CADM2: variants seen among roughly 807,000 people sequenced by gnomAD.
CADM2 encodes the protein cell adhesion molecule 2.
In CADM2, 12 loss-of-function variants were observed where a neutral mutation model predicts 49.8. The ratio of observed to expected loss-of-function variants is 0.24; its 90% confidence interval spans 0.15 to 0.39. The LOEUF (loss-of-function observed/expected upper bound fraction) is 0.39, where lower values mean the gene tolerates loss of function less well. Ranked by LOEUF, CADM2 falls within the 10% of genes least tolerant of loss-of-function variation. The pLI is 1.00. For synonymous variants in CADM2, 214 were observed against 175.4 expected, an observed-to-expected ratio of 1.22 and a Z score of -1.74; for missense variants, 378 against 492.3, an observed-to-expected ratio of 0.77 and a Z score of 2.20.
At chr3:85,958,953 A>C (rs564549479) in intron 7 of CADM2, among the ~76,000 whole-genome samples, 1 of 151,632 alleles carries the variant, frequency 6.6e-6, no homozygotes, top group African/African-American at 2.4e-5. Context: ...ATGCAGGAAA[A>C]CACCATGGTA....
intron 1 of CADM2, among the ~76,000 whole-genome samples, chr3:85,272,267 T>C (rs1001544104): frequency 5.3e-5 from 8 of 151,148 alleles, no homozygotes; most frequent in Non-Finnish European, 3.0e-5. Context: ...ATGTTTAAAG[T>C]GGAGTAAAAA....
At chr3:84,979,991 A>C (rs1190631459) in intron 1 of CADM2, among the ~76,000 whole-genome samples, 3 of 152,214 alleles carry the variant, frequency 2.0e-5, no homozygotes, top group African/African-American at 4.8e-5. Context: ...TGTGTTAAGA[A>C]AGCCAAATAC....
chr3:85,758,050 G>A (rs780151776), intron 2 of CADM2, among the ~76,000 whole-genome samples: 2 of 152,028 alleles, frequency 1.3e-5, no homozygotes, highest in African/African-American at 2.4e-5. Flanking sequence ...TATTATTGAC[G>A]TGGCAGTGCT....
chr3:86,047,896 A>C (rs1736858198), intron 8 of CADM2, among the ~76,000 whole-genome samples: 1 of 152,166 alleles, frequency 6.6e-6, no homozygotes, highest in Non-Finnish European at 1.5e-5. Context: ...GATTAGTGAT[A>C]GGAAGAGGAA....
intron 1 of CADM2, among the ~76,000 whole-genome samples, chr3:85,128,181 C>A (rs977838931): frequency 1.1e-4 from 16 of 152,252 alleles, no homozygotes; most frequent in Middle Eastern, 3.4e-3. Flanking sequence ...CTCTATTAAA[C>A]AGAAAAGCTG....
At chr3:85,366,096 A>G (rs1050561246) in intron 1 of CADM2, among the ~76,000 whole-genome samples, 5 of 152,326 alleles carry the variant, frequency 3.3e-5, no homozygotes, top group East Asian at 3.9e-4. Context: ...GCTGCTTTAC[A>G]TAGGTGCTGT....
At chr3:85,849,361 C>T (rs762615844) in intron 3 of CADM2, among the ~76,000 whole-genome samples, 27 of 152,148 alleles carry the variant, frequency 1.8e-4, no homozygotes, top group Non-Finnish European at 2.6e-4. Context: ...CGTATATATG[C>T]TACTGTTTAC....
At chr3:86,030,959 T>C (rs1003630685) in intron 8 of CADM2, among the ~76,000 whole-genome samples, 5 of 151,900 alleles carry the variant, frequency 3.3e-5, no homozygotes, top group Middle Eastern at 3.2e-3. Context: ...TTAGGAATTC[T>C]GATTAAAATT....
At chr3:85,514,958 C>T (rs1475170911) in intron 1 of CADM2, among the ~76,000 whole-genome samples, 1 of 152,140 alleles carries the variant, frequency 6.6e-6, no homozygotes, top group Non-Finnish European at 1.5e-5. Context: ...GAAAGAGAAG[C>T]ATGTCTTTCT....
At chr3:85,240,842 T>G (rs1443141159) in intron 1 of CADM2, among the ~76,000 whole-genome samples, 2 of 151,582 alleles carry the variant, frequency 1.3e-5, no homozygotes, top group Admixed American at 6.6e-5. Flanking sequence ...ACTTTTTAAA[T>G]TTTTAATTGT....
intron 3 of CADM2, among the ~76,000 whole-genome samples, chr3:85,822,063 A>C (rs2073613203): frequency 6.6e-6 from 1 of 152,170 alleles, no homozygotes; most frequent in African/African-American, 2.4e-5. Context: ...TACATCAAAT[A>C]TTTACATTTT....
chr3:85,155,717 G>C (rs1339338131), intron 1 of CADM2, among the ~76,000 whole-genome samples: 1 of 152,078 alleles, frequency 6.6e-6, no homozygotes, highest in Non-Finnish European at 1.5e-5. Flanking sequence ...AAATGTAAAA[G>C]AACTGAAATT....
intron 1 of CADM2, among the ~76,000 whole-genome samples, chr3:84,964,010 A>C (rs17733561): frequency 0.015 from 2,217 of 152,266 alleles, 41 homozygotes; most frequent in South Asian, 0.048. Flanking sequence ...ATCTTTGCAA[A>C]TATAAGGAGT....
At chr3:85,086,036 A>G (rs2037358483) in intron 1 of CADM2, among the ~76,000 whole-genome samples, 1 of 152,148 alleles carries the variant, frequency 6.6e-6, no homozygotes, top group African/African-American at 2.4e-5. Flanking sequence ...TAGGACAAAA[A>G]CTTTTTTTAT....
At chr3:85,092,464 A>G (rs1575845326) in intron 1 of CADM2, among the ~76,000 whole-genome samples, 2 of 152,312 alleles carry the variant, frequency 1.3e-5, no homozygotes, top group South Asian at 2.1e-4. Context: ...TATCATGTTC[A>G]CAACCTCATC....
chr3:85,319,918 C>G (rs577750835), intron 1 of CADM2, among the ~76,000 whole-genome samples: 4 of 152,122 alleles, frequency 2.6e-5, no homozygotes, highest in Non-Finnish European at 5.9e-5. Context: ...TACCCCTGAA[C>G]CTAAATAAGA....
chr3:85,319,811 T>C (rs892189362), intron 1 of CADM2, among the ~76,000 whole-genome samples: 4 of 152,024 alleles, frequency 2.6e-5, no homozygotes, highest in African/African-American at 9.7e-5. Context: ...TCAGAAAAAA[T>C]ACCTATTGGG....
chr3:85,792,018 T>C (rs993513742), intron 2 of CADM2, among the ~76,000 whole-genome samples: 3 of 152,174 alleles, frequency 2.0e-5, no homozygotes, highest in East Asian at 1.9e-4. Context: ...CCACCGCGCC[T>C]GGCCAGTTGA....
intron 2 of CADM2, among the ~76,000 whole-genome samples, chr3:85,745,937 C>A (rs2068601682): frequency 2.0e-5 from 3 of 151,866 alleles, no homozygotes; most frequent in African/African-American, 7.3e-5. Context: ...AGAATGAAAG[C>A]CTACCCCCAA....
Sources: gnomAD v4.1 joint callset for allele counts (sites outside exome capture counted in the v4.1 genomes callset) on GRCh38, gnomAD v4.1.1 for gene constraint, MANE v1.5 for transcripts, NCBI Gene and HGNC (gene_info 2026-07-23, HGNC 2026-07-21) for gene names.